The following KCND2 variants were observed in gnomAD, a reference collection of about 807,000 sequenced individuals.
The protein encoded by KCND2 is A-type voltage-gated potassium channel KCND2.
Under a neutral mutation model 54.4 loss-of-function variants are expected in KCND2, and 16 were observed. The ratio of observed to expected loss-of-function variants is 0.29; its 90% CI spans 0.20 to 0.45. The LOEUF (loss-of-function observed/expected upper bound fraction) is 0.45, where lower values mean the gene tolerates loss of function less well. Ranked by LOEUF, KCND2 falls within the 20% of genes least tolerant of loss-of-function variation. The pLI is 1.00. For synonymous variants in KCND2, 317 were observed against 310.7 expected (o/e 1.02, Z -0.21); for missense variants, 486 against 824.2 (o/e 0.59, Z 5.02).
chr7:120,325,017 TC>T (rs1187581044), intron 1 of KCND2, among the ~76,000 whole-genome samples: 4 of 133,964 alleles, frequency 3.0e-5, no homozygotes, highest in Non-Finnish European at 1.6e-5. Flanking sequence ...GTCCTTCACA[TC>T]CCTTGTAAGT....
intron 1 of KCND2, among the ~76,000 whole-genome samples, chr7:120,470,893 T>C (rs923784404): frequency 6.6e-6 from 1 of 152,082 alleles, no homozygotes; most frequent in Admixed American, 6.6e-5. Flanking sequence ...GTTTCAGTTA[T>C]GAATGAATTA....
At chr7:120,636,207 A>T (rs1042128208) in intron 1 of KCND2, among the ~76,000 whole-genome samples, 2 of 152,144 alleles carry the variant, frequency 1.3e-5, no homozygotes, top group African/African-American at 4.8e-5. Context: ...GAAGGGACAT[A>T]TAATGATGAC....
intron 1 of KCND2, among the ~76,000 whole-genome samples, chr7:120,324,512 A>G (rs1487080142): frequency 2.0e-5 from 3 of 150,024 alleles, no homozygotes; most frequent in African/African-American, 7.3e-5. Context: ...TCAGCTTTCT[A>G]CATAAGGCTA....
At chr7:120,370,011 G>C (rs1202299523) in intron 1 of KCND2, among the ~76,000 whole-genome samples, 1 of 151,954 alleles carries the variant, frequency 6.6e-6, no homozygotes, top group South Asian at 2.1e-4. Context: ...GGTGGATGGG[G>C]AAGAGACTTG....
intron 1 of KCND2, among the ~76,000 whole-genome samples, chr7:120,635,190 T>A (rs925101021): frequency 6.6e-6 from 1 of 152,238 alleles, no homozygotes; most frequent in South Asian, 2.1e-4. Flanking sequence ...CTAGCTCTGG[T>A]GCCCATTGTG....
At chr7:120,391,628 A>T (rs1327579171) in intron 1 of KCND2, among the ~76,000 whole-genome samples, 1 of 152,166 alleles carries the variant, frequency 6.6e-6, no homozygotes, top group Admixed American at 6.6e-5. Context: ...GTGAGATGGT[A>T]TCTCACTGTG....
chr7:120,594,039 A>G (rs1026333461), intron 1 of KCND2, among the ~76,000 whole-genome samples: 1 of 152,176 alleles, frequency 6.6e-6, no homozygotes, highest in Admixed American at 6.5e-5. Context: ...TCTCATAACC[A>G]GGTAAGTCAG....
At chr7:120,525,629 A>G (rs1791762794) in intron 1 of KCND2, among the ~76,000 whole-genome samples, 1 of 152,148 alleles carries the variant, frequency 6.6e-6, no homozygotes, top group African/African-American at 2.4e-5. Flanking sequence ...CTGACTCACA[A>G]ATCTCTCTAT....
intron 1 of KCND2, among the ~76,000 whole-genome samples, chr7:120,571,108 G>C (rs1023560119): frequency 6.6e-6 from 1 of 152,102 alleles, no homozygotes; most frequent in East Asian, 1.9e-4. Flanking sequence ...GAAACAGATC[G>C]TGTAAGTACT....
intron 1 of KCND2, among the ~76,000 whole-genome samples, chr7:120,720,272 T>C (rs1792650497): frequency 6.6e-6 from 1 of 152,124 alleles, no homozygotes; most frequent in Admixed American, 6.6e-5. Flanking sequence ...GTCTCACTAC[T>C]GGGTTTCCAA....
intron 1 of KCND2, among the ~76,000 whole-genome samples, chr7:120,363,247 TA>T (rs1461687274): frequency 6.6e-6 from 1 of 152,058 alleles, no homozygotes. Context: ...AATGAGCTTT[TA>T]TTGTGTCACT....
intron 1 of KCND2, among the ~76,000 whole-genome samples, chr7:120,469,885 A>G (rs1332199964): frequency 6.6e-6 from 1 of 152,184 alleles, no homozygotes; most frequent in Non-Finnish European, 1.5e-5. Flanking sequence ...GTTCATAAAG[A>G]ACATTGAAAT....
intron 1 of KCND2, among the ~76,000 whole-genome samples, chr7:120,465,756 C>T (rs1802359569): frequency 6.6e-6 from 1 of 152,122 alleles, no homozygotes; most frequent in Admixed American, 6.6e-5. Context: ...ATGATGTGAG[C>T]ATCACCTTGT....
chr7:120,744,264 A>G (rs935023040), intron 4 of KCND2, among the ~76,000 whole-genome samples: 1 of 152,042 alleles, frequency 6.6e-6, no homozygotes, highest in African/African-American at 2.4e-5. Context: ...CTCTGTCTCA[A>G]TAAATAAATA....
intron 1 of KCND2, among the ~76,000 whole-genome samples, chr7:120,351,282 C>A (rs1402003305): frequency 7.9e-6 from 1 of 126,700 alleles, no homozygotes; most frequent in Non-Finnish European, 1.6e-5. Flanking sequence ...TATATTATTT[C>A]AGGTTATATA....
intron 1 of KCND2, among the ~76,000 whole-genome samples, chr7:120,309,564 C>A (rs199711010): frequency 1.3e-5 from 2 of 149,136 alleles, no homozygotes; most frequent in South Asian, 4.3e-4. Flanking sequence ...CACACACACA[C>A]ACATATATAT....
chr7:120,737,072 ACACAAAC>A (rs1463469963), intron 2 of KCND2, among the ~76,000 whole-genome samples: 43 of 140,156 alleles, frequency 3.1e-4, no homozygotes, highest in Admixed American at 1.6e-3. Flanking sequence ...ACACACACAC[ACACAAAC>A]AAAAAAAAAA....
intron 1 of KCND2, among the ~76,000 whole-genome samples, chr7:120,492,885 G>C (rs1426478156): frequency 6.6e-6 from 1 of 151,980 alleles, no homozygotes; most frequent in Non-Finnish European, 1.5e-5. Flanking sequence ...ATTGAATACT[G>C]TTCTGAAAGT....
intron 1 of KCND2, among the ~76,000 whole-genome samples, chr7:120,399,052 C>T (rs971934176): frequency 5.9e-5 from 9 of 151,962 alleles, no homozygotes; most frequent in Non-Finnish European, 1.3e-4. Flanking sequence ...CCTCTTAACA[C>T]CCACTTTACA....
Sources: gnomAD v4.1 joint callset for allele counts (sites outside exome capture counted in the v4.1 genomes callset) on GRCh38, gnomAD v4.1.1 for gene constraint, MANE v1.5 for transcripts, NCBI Gene and HGNC (gene_info 2026-07-23, HGNC 2026-07-21) for gene names.